FOXP1: variants seen among roughly 807,000 people sequenced by gnomAD.
The protein encoded by FOXP1 is forkhead box P1.
A neutral mutation model predicts 98.2 loss-of-function variants in FOXP1; 15 were observed. The observed-to-expected ratio is 0.15, with a 90% confidence interval of 0.10 to 0.24. The LOEUF is 0.24. Among genes scored for constraint, FOXP1 ranks in the 10% least tolerant of loss-of-function variants. The probability of loss-of-function intolerance (pLI) is 1.00; values close to 1 mark genes in which losing one functional copy is unlikely to be tolerated. For missense variants in FOXP1, 633 were observed against 848.5 expected, an observed-to-expected ratio of 0.75 and a Z score of 3.15; for synonymous variants, 371 against 314.5, an observed-to-expected ratio of 1.18 and a Z score of -1.90.
intron 2 of FOXP1, among the ~76,000 whole-genome samples, chr3:71,576,646 A>T (rs1303201337): frequency 6.6e-6 from 1 of 152,242 alleles, no homozygotes; most frequent in African/African-American, 2.4e-5. Flanking sequence ...ACAACTGAGC[A>T]GCTTTAAGCA....
rs1312124269 is a variant in FOXP1, at chr3:70,955,203, TA to T, written c.*4043del. 1.7e-5 allele frequency: 4 copies of T among 230,718 alleles called. No homozygotes were observed. The highest frequency in any genetic ancestry group is 1.3e-3 in the Middle Eastern group (1 of 772). 14.3% of individuals were successfully genotyped at this position (230,718 alleles called of 1,614,324 possible). On this transcript the variant is annotated 3_prime_UTR_variant, in exon 21 of 21. Transcript: ENST00000649528. The stretch of plus-strand genomic sequence containing the variant: ...GCTGGAATATGGAAAAGAGAGGAAA[TA>T]TTTTTTAACTCTATTTTTTTTCATG...
chr3:71,514,611 G>A (rs2042427368), intron 2 of FOXP1, among the ~76,000 whole-genome samples: 1 of 152,210 alleles, frequency 6.6e-6, no homozygotes, highest in South Asian at 2.1e-4. Flanking sequence ...ATCCAGGAGT[G>A]GACATTCTGT....
intron 6 of FOXP1, chr3:71,197,798 T>C (rs2063383531): frequency 2.1e-5 from 27 of 1,299,148 alleles, no homozygotes; most frequent in Non-Finnish European, 2.9e-5. Context: ...CTCTCTTTTA[T>C]TCCTTAGCTC....
intron 4 of FOXP1, chr3:71,334,736 C>T (rs1040014930): frequency 1.3e-5 from 2 of 151,968 alleles, no homozygotes; most frequent in Admixed American, 6.6e-5. Context: ...CAAACTGTTA[C>T]GAAAATTCAA....
intron 3 of FOXP1, among the ~76,000 whole-genome samples, chr3:71,446,435 C>T (rs1419000166): frequency 6.6e-6 from 1 of 151,944 alleles, no homozygotes; most frequent in African/African-American, 2.4e-5. Flanking sequence ...AAGACATGCC[C>T]CCTGGAGCCT....
rs997117604 is a variant in FOXP1, at chr3:71,282,068, C to G, written c.-12+17752G>C. On this transcript the variant is annotated intron_variant, in intron 5 of 20. Coordinates refer to ENST00000649528, the MANE Select transcript of FOXP1 (RefSeq NM_001349338.3). ...AGGGTGCAGTGAGCTGAGATTGTGC[C>G]ACTGCACTCCAGCCTCGGTGACAGA... Among the ~76,000 whole-genome samples, 8 of 151,752 alleles carry G rather than the reference C, an allele frequency of 5.3e-5. No individual in the cohort carries two copies. In the East Asian group the frequency reaches 7.7e-4, roughly 15 times the overall value.
chr3:71,275,812 C>T (rs2070823086), intron 5 of FOXP1, among the ~76,000 whole-genome samples: 2 of 152,128 alleles, frequency 1.3e-5, no homozygotes, highest in Admixed American at 1.3e-4. Flanking sequence ...AGTGGTTCCC[C>T]ATCCTCTCAT....
intron 6 of FOXP1, among the ~76,000 whole-genome samples, chr3:71,182,747 G>T (rs2062402999): frequency 6.6e-6 from 1 of 151,754 alleles, no homozygotes; most frequent in Non-Finnish European, 1.5e-5. Context: ...CGAGGTCTAA[G>T]CTGCCCAGAC....
intron 5 of FOXP1, among the ~76,000 whole-genome samples, chr3:71,299,474 A>C (rs2073657463): frequency 6.6e-6 from 1 of 152,264 alleles, no homozygotes; most frequent in Non-Finnish European, 1.5e-5. Context: ...TGTTTGCAGC[A>C]AGTTAATTTT....
At chr3:71,440,025 G>A (rs976705946) in intron 3 of FOXP1, among the ~76,000 whole-genome samples, 1 of 151,376 alleles carries the variant, frequency 6.6e-6, no homozygotes, top group African/African-American at 2.4e-5. Flanking sequence ...TATGCTAAGT[G>A]AAATAAGCCA....
At chr3:71,342,623 G>A (rs2077076627) in intron 4 of FOXP1, among the ~76,000 whole-genome samples, 1 of 151,848 alleles carries the variant, frequency 6.6e-6, no homozygotes, top group East Asian at 1.9e-4. Context: ...AACCGGGGAG[G>A]TGGAGGCTGC....
chr3:71,328,490 A>G (rs2076059535), intron 4 of FOXP1, among the ~76,000 whole-genome samples: 1 of 152,196 alleles, frequency 6.6e-6, no homozygotes, highest in African/African-American at 2.4e-5. Flanking sequence ...CAGTGAGGGC[A>G]GCAAAGAGGG....
At chr3:71,552,993 T>C (rs2045882903) in intron 2 of FOXP1, among the ~76,000 whole-genome samples, 1 of 152,090 alleles carries the variant, frequency 6.6e-6, no homozygotes, top group Non-Finnish European at 1.5e-5. Context: ...TTATTTTTAT[T>C]ATTTTCATAA....
At chr3:71,280,321 C>CT (rs145186097) in intron 5 of FOXP1, among the ~76,000 whole-genome samples, 15 of 147,900 alleles carry the variant, frequency 1.0e-4, no homozygotes, top group South Asian at 8.5e-4. Flanking sequence ...TTTACAATAT[C>CT]TTTTTTTTTT....
At chr3:71,497,044 C>T (rs1436358750) in intron 2 of FOXP1, among the ~76,000 whole-genome samples, 1 of 151,176 alleles carries the variant, frequency 6.6e-6, no homozygotes, top group Non-Finnish European at 1.5e-5. Context: ...CCATAGCTAA[C>T]TAAAATACTT....
At chr3:71,408,137 T>C (rs2082481004) in intron 3 of FOXP1, among the ~76,000 whole-genome samples, 1 of 152,204 alleles carries the variant, frequency 6.6e-6, no homozygotes, top group Non-Finnish European at 1.5e-5. Flanking sequence ...AACGTCCCTA[T>C]TATCAGAACC....
At chr3:71,324,905 G>A (rs1004270738) in intron 4 of FOXP1, among the ~76,000 whole-genome samples, 47 of 152,282 alleles carry the variant, frequency 3.1e-4, no homozygotes, top group African/African-American at 1.1e-3. Context: ...GAGGAGAAAG[G>A]CAAGCCCTAG....
chr3:71,411,690 A>G (rs7644434), intron 3 of FOXP1, among the ~76,000 whole-genome samples: 105,328 of 152,022 alleles, frequency 0.69, 37,731 homozygotes, highest in Non-Finnish European at 0.74. Flanking sequence ...CTCTCGTAGA[A>G]AAGGACCCAT....
chr3:71,158,851 A>AGGCC (rs2060987355), intron 6 of FOXP1, among the ~76,000 whole-genome samples: 1 of 152,118 alleles, frequency 6.6e-6, no homozygotes, highest in African/African-American at 2.4e-5. Flanking sequence ...CATGCCTGTA[A>AGGCC]TCCCAGCACT....
Sources: gnomAD v4.1 joint callset for allele counts (sites outside exome capture counted in the v4.1 genomes callset) on GRCh38, gnomAD v4.1.1 for gene constraint, MANE v1.5 for transcripts, NCBI Gene and HGNC (gene_info 2026-07-23, HGNC 2026-07-21) for gene names.